GRIK3: variants seen among roughly 807,000 people sequenced by gnomAD.
GRIK3 encodes the protein glutamate receptor ionotropic, kainate 3.
Under a neutral mutation model 102.5 loss-of-function variants are expected in GRIK3, and 29 were observed. The ratio of observed to expected loss-of-function variants is 0.28; its 90% CI spans 0.21 to 0.39. The LOEUF is 0.39. Ranked by LOEUF, GRIK3 falls within the 10% of genes least tolerant of loss-of-function variation. The pLI, the probability that GRIK3 is intolerant of heterozygous loss-of-function variation, is 1.00. For missense variants in GRIK3, 908 were observed against 1,252.4 expected (o/e 0.73, Z 4.15); for synonymous variants, 511 against 504.9 (o/e 1.01, Z -0.16).
At chr1:36,814,527 C>G (rs575064897) in intron 13 of GRIK3, among the ~76,000 whole-genome samples, 17 of 131,540 alleles carry the variant, frequency 1.3e-4, no homozygotes, top group Admixed American at 5.6e-4. Flanking sequence ...CCCCCACACA[C>G]AGAGACACAT....
chr1:37,018,220 C>G (rs1642673984), intron 1 of GRIK3, among the ~76,000 whole-genome samples: 1 of 152,232 alleles, frequency 6.6e-6, no homozygotes, highest in African/African-American at 2.4e-5. Context: ...GATTGGCATA[C>G]TGCACGGTGG....
intron 13 of GRIK3, 132 bp downstream of exon 13, chr1:36,816,928 G>A: frequency 1.5e-6 from 1 of 653,716 alleles, no homozygotes. Context: ...AACACGGTGG[G>A]GCTGAGAGGG....
chr1:36,882,416 C>A (rs1244371072), intron 2 of GRIK3, among the ~76,000 whole-genome samples: 1 of 152,160 alleles, frequency 6.6e-6, no homozygotes, highest in Non-Finnish European at 1.5e-5. Flanking sequence ...ATGGGGGATT[C>A]TGCCTAAAAG....
At chr1:36,903,407 T>G (rs763442263) in intron 1 of GRIK3, among the ~76,000 whole-genome samples, 2 of 152,182 alleles carry the variant, frequency 1.3e-5, no homozygotes, top group African/African-American at 4.8e-5. Flanking sequence ...GAAAGAAAAG[T>G]TTTTCAATTG....
chr1:36,798,469 GCATACACACA>G lies in GRIK3; in HGVS notation c.*3372_*3381del, dbSNP rs1265893127. 6.6e-6 allele frequency: 1 copy of G among 152,308 alleles called. No homozygotes were observed. Among genetic ancestry groups the G allele is most frequent in the Non-Finnish European group, 1.5e-5 (1 of 68,130 alleles). The allele number at this position is 152,308 out of a possible 1,614,324, so 9.4% of individuals were successfully genotyped here. ...GCGTGTGTGCACACACACTACACAT[GCATACACACA>G]CATACACACACACGCATGCACCTGC... On this transcript the variant is annotated 3_prime_UTR_variant, in exon 16 of 16. Coordinates refer to ENST00000373091, the MANE Select transcript of GRIK3 (RefSeq NM_000831.4).
chr1:36,899,221 C>G (rs1325933585), intron 1 of GRIK3, among the ~76,000 whole-genome samples: 2 of 152,066 alleles, frequency 1.3e-5, no homozygotes, highest in Admixed American at 1.3e-4. Flanking sequence ...TCAAAAGACA[C>G]TATTAACAGA....
chr1:36,966,893 T>C (rs1642085082), intron 1 of GRIK3, among the ~76,000 whole-genome samples: 1 of 152,132 alleles, frequency 6.6e-6, no homozygotes, highest in Non-Finnish European at 1.5e-5. Flanking sequence ...AAGTATATAA[T>C]AAGACCCACT....
chr1:36,859,159 A>G lies in GRIK3; in HGVS notation c.1053T>C (p.His351=). The change falls in exon 7 of 16, where the codon CAT becomes CAC. Residue 351 remains histidine, a synonymous_variant. Coordinates refer to ENST00000373091, the MANE Select transcript of GRIK3 (RefSeq NM_000831.4). ...CGCCAAAGCGCCAGGCCTTGTGCCG[A>G]TGGCACTGCAGGGAGTTCACGGTCA... ...PQMTVNSLQC[H]RHKAWRFGGR... 6 of 1,613,770 alleles carry G rather than the reference A, an allele frequency of 3.7e-6. No homozygotes were observed. The highest frequency in any genetic ancestry group is 5.1e-6 in the Non-Finnish European group (6 of 1,179,686).
intron 1 of GRIK3, among the ~76,000 whole-genome samples, chr1:37,026,344 C>A (rs1201014940): frequency 6.6e-6 from 1 of 152,166 alleles, no homozygotes; most frequent in Non-Finnish European, 1.5e-5. Flanking sequence ...CTAGGCCCAC[C>A]AACTCCAGTG....
At position 36,835,749 on chromosome 1, in the gene GRIK3, C is replaced by A. The variant is rs141971243; in HGVS notation, c.1530+5987G>T. On this transcript the variant is annotated intron_variant, in intron 10 of 15. Coordinates refer to ENST00000373091, the MANE Select transcript of GRIK3 (RefSeq NM_000831.4). ...TCTGACCTCGGTTTCCCCCAATACT[C>A]CCTTCATCCCTCAAGCCCTCTTGCT... 5.6e-3 allele frequency among the ~76,000 whole-genome samples: 848 copies of A among 152,294 alleles called. 6 individuals are homozygous for A. Among genetic ancestry groups the A allele is most frequent in the African/African-American group, 0.02 (814 of 41,556 alleles).
chr1:37,012,657 TG>T (rs1642610421), intron 1 of GRIK3, among the ~76,000 whole-genome samples: 1 of 152,152 alleles, frequency 6.6e-6, no homozygotes, highest in Admixed American at 6.5e-5. Flanking sequence ...AAAAACGAGG[TG>T]GGTACTGTGT....
At chr1:36,803,991 A>G (rs79862589) in intron 15 of GRIK3, among the ~76,000 whole-genome samples, 1,578 of 152,306 alleles carry the variant, frequency 0.01, 30 homozygotes, top group African/African-American at 0.036. Flanking sequence ...GATGCTGTGG[A>G]AGACTCTGAA....
intron 9 of GRIK3, 67 bp from the exon 10 acceptor site, chr1:36,842,006 G>A: frequency 1.6e-6 from 2 of 1,275,876 alleles, no homozygotes; most frequent in South Asian, 2.4e-5. Flanking sequence ...GCTTGCACTG[G>A]AGAGTCAGGG....
intron 10 of GRIK3, among the ~76,000 whole-genome samples, chr1:36,827,015 T>A (rs1419294146): frequency 6.6e-6 from 1 of 152,156 alleles, no homozygotes; most frequent in Non-Finnish European, 1.5e-5. Context: ...GTTTAGGATG[T>A]CCTCTTCTTA....
chr1:37,030,197 A>G (rs1464010101), intron 1 of GRIK3, among the ~76,000 whole-genome samples: 3 of 152,064 alleles, frequency 2.0e-5, no homozygotes, highest in Non-Finnish European at 4.4e-5. Flanking sequence ...TCCAGGGGGG[A>G]AAACCCTATT....
intron 1 of GRIK3, among the ~76,000 whole-genome samples, chr1:36,915,396 A>G (rs1384011988): frequency 6.6e-6 from 1 of 152,240 alleles, no homozygotes; most frequent in Non-Finnish European, 1.5e-5. Flanking sequence ...ATTGGCATTC[A>G]ATAAACATTT....
intron 1 of GRIK3, among the ~76,000 whole-genome samples, chr1:36,943,989 A>G (rs992511631): frequency 2.0e-5 from 3 of 152,250 alleles, no homozygotes; most frequent in Non-Finnish European, 2.9e-5. Flanking sequence ...TTAGCTTGGC[A>G]GAAAGATGCC....
intron 9 of GRIK3, among the ~76,000 whole-genome samples, chr1:36,846,455 G>C (rs898140220): frequency 6.6e-6 from 1 of 152,214 alleles, no homozygotes; most frequent in Non-Finnish European, 1.5e-5. Flanking sequence ...AAGGGGAGGA[G>C]AAACTCCCCC....
chr1:37,018,434 C>T (rs376393869), intron 1 of GRIK3, among the ~76,000 whole-genome samples: 2 of 152,182 alleles, frequency 1.3e-5, no homozygotes, highest in African/African-American at 4.8e-5. Context: ...TCATACACCG[C>T]AACCCTTAGA....
Sources: allele counts gnomAD v4.1 joint callset (sites outside exome capture counted in the v4.1 genomes callset), GRCh38; gene constraint gnomAD v4.1.1; transcripts MANE v1.5; gene names NCBI Gene and HGNC (gene_info 2026-07-23, HGNC 2026-07-21).